Variants in NEBL observed in about 807,000 individuals in gnomAD.
NEBL encodes the protein nebulette, also known as LIM and SH3 protein 2.
NEBL carries 122 observed loss-of-function variants against 140.2 expected under a neutral mutation model. That is an observed-to-expected ratio of 0.87 (90% confidence interval 0.75 to 1.01). The LOEUF is 1.01. Among genes scored for constraint, NEBL ranks in the 50% least tolerant of loss-of-function variants. The probability of loss-of-function intolerance (pLI) is 0.00; values close to 1 mark genes in which losing one functional copy is unlikely to be tolerated. For synonymous variants in NEBL, 436 were observed against 398.9 expected (o/e 1.09, Z -1.11); for missense variants, 1,365 against 1,231.3 (o/e 1.11, Z -1.62).
At chr10:20,887,556 C>A (rs1180709440) in intron 4 of NEBL, among the ~76,000 whole-genome samples, 1 of 151,722 alleles carries the variant, frequency 6.6e-6, no homozygotes, top group Non-Finnish European at 1.5e-5. Flanking sequence ...GTAGCTGGCA[C>A]CACAGGTGCA....
intron 2 of NEBL, among the ~76,000 whole-genome samples, chr10:21,025,802 C>G (rs562837434): frequency 6.6e-6 from 1 of 152,154 alleles, no homozygotes; most frequent in African/African-American, 2.4e-5. Context: ...ATAAGAAAAA[C>G]ATAAGAGTAG....
At chr10:21,251,069 T>C (rs145365566) in intron 2 of NEBL, among the ~76,000 whole-genome samples, 1 of 152,168 alleles carries the variant, frequency 6.6e-6, no homozygotes, top group East Asian at 1.9e-4. Flanking sequence ...TTATTTAGTA[T>C]AATCATTTTC....
chr10:21,227,713 T>TTCTTCTTC (rs1842180073), intron 3 of NEBL, among the ~76,000 whole-genome samples: 1 of 63,680 alleles, frequency 1.6e-5, no homozygotes, highest in Non-Finnish European at 3.2e-5. Flanking sequence ...TCTTCTTCTT[T>TTCTTCTTC]CTTCTTCTTC....
At chr10:20,825,220 T>G (rs1010262989) in intron 18 of NEBL, among the ~76,000 whole-genome samples, 1 of 152,218 alleles carries the variant, frequency 6.6e-6, no homozygotes, top group Admixed American at 6.5e-5. Context: ...TGCTGCATAA[T>G]GACCAAGTGA....
intron 3 of NEBL, among the ~76,000 whole-genome samples, chr10:21,230,496 G>A (rs1842231997): frequency 6.6e-6 from 1 of 151,942 alleles, no homozygotes; most frequent in Admixed American, 6.6e-5. Context: ...AGATGAATGT[G>A]TCAACAATCT....
intron 2 of NEBL, among the ~76,000 whole-genome samples, chr10:20,894,963 A>C (rs1354950117): frequency 6.6e-6 from 1 of 151,656 alleles, no homozygotes; most frequent in Non-Finnish European, 1.5e-5. Context: ...AAGGCAGAAT[A>C]ATCATGTCCT....
At chr10:21,033,745 A>AT in intron 2 of NEBL, among the ~76,000 whole-genome samples, 1 of 106,362 alleles carries the variant, frequency 9.4e-6, no homozygotes, top group Non-Finnish European at 2.0e-5. Flanking sequence ...GTCTCCGAAA[A>AT]AAAAAAAAAA....
chr10:21,207,329 G>A (rs943006316), intron 3 of NEBL, among the ~76,000 whole-genome samples: 5 of 152,110 alleles, frequency 3.3e-5, no homozygotes, highest in African/African-American at 1.2e-4. Context: ...ATGGGGATGT[G>A]AATGGTCTAT....
At chr10:20,876,253 G>A (rs981443586) in intron 5 of NEBL, among the ~76,000 whole-genome samples, 18 of 152,126 alleles carry the variant, frequency 1.2e-4, no homozygotes, top group Non-Finnish European at 2.5e-4. Flanking sequence ...TAGGATTGCT[G>A]TCACTGTTTA....
rs1295085437 is a variant in NEBL, at chr10:20,786,164, CA to C, written c.2869-242del. On this transcript the variant is annotated intron_variant, in intron 27 of 27. Transcript: ENST00000377122. The stretch of plus-strand genomic sequence containing the variant: ...TCACTAAATACGACAGGTAGCCCAT[CA>C]AAAAGTAGGCTTTGAAATAATAAAG... Among the ~76,000 whole-genome samples, 8 of 152,080 alleles carry C rather than the reference CA, an allele frequency of 5.3e-5. No individual in the cohort carries two copies. In the East Asian group the frequency reaches 1.5e-3, roughly 29 times the overall value.
intron 3 of NEBL, among the ~76,000 whole-genome samples, chr10:21,208,571 T>C (rs1446514737): frequency 6.6e-6 from 1 of 152,226 alleles, no homozygotes; most frequent in Non-Finnish European, 1.5e-5. Context: ...GAAGTTTATT[T>C]CTTGCTCATG....
intron 2 of NEBL, among the ~76,000 whole-genome samples, chr10:21,034,790 A>G (rs1162076118): frequency 6.6e-6 from 1 of 152,082 alleles, no homozygotes; most frequent in Admixed American, 6.6e-5. Flanking sequence ...TTATACCAAA[A>G]TTAGCATCTT....
At chr10:21,204,640 G>A (rs1414182707) in intron 3 of NEBL, among the ~76,000 whole-genome samples, 1 of 152,156 alleles carries the variant, frequency 6.6e-6, no homozygotes, top group Non-Finnish European at 1.5e-5. Flanking sequence ...GTGGGATTCT[G>A]TTAAGGAAGC....
At chr10:21,124,532 G>T (rs1838724649) in intron 2 of NEBL, among the ~76,000 whole-genome samples, 1 of 152,146 alleles carries the variant, frequency 6.6e-6, no homozygotes, top group Admixed American at 6.5e-5. Flanking sequence ...GCTCATTAGG[G>T]TCACTTTTAA....
chr10:21,115,017 A>G (rs1357616614), intron 2 of NEBL, among the ~76,000 whole-genome samples: 3 of 151,500 alleles, frequency 2.0e-5, no homozygotes, highest in Non-Finnish European at 4.4e-5. Context: ...AGTGTTTTTT[A>G]TGATTCCTTT....
chr10:21,089,802 C>T (rs1053596757), intron 2 of NEBL, among the ~76,000 whole-genome samples: 1 of 151,400 alleles, frequency 6.6e-6, no homozygotes, highest in Admixed American at 6.6e-5. Context: ...GAATAAAAGT[C>T]CCCATTCGAG....
chr10:21,200,674 C>T (rs1841721469), intron 3 of NEBL, among the ~76,000 whole-genome samples: 1 of 152,158 alleles, frequency 6.6e-6, no homozygotes, highest in Non-Finnish European at 1.5e-5. Context: ...ATTCAAAATA[C>T]TTAACACCTG....
intron 20 of NEBL, among the ~76,000 whole-genome samples, chr10:20,818,542 T>C (rs563355246): frequency 3.3e-4 from 51 of 152,358 alleles, no homozygotes; most frequent in Middle Eastern, 6.8e-3. Context: ...TACTATGTCT[T>C]AGAATGCCAG....
At chr10:21,190,058 C>G (rs1054934793) in intron 3 of NEBL, among the ~76,000 whole-genome samples, 1 of 152,122 alleles carries the variant, frequency 6.6e-6, no homozygotes, top group Non-Finnish European at 1.5e-5. Flanking sequence ...ATCGGTCTCC[C>G]CTAATAAATT....
Sources: allele counts gnomAD v4.1 joint callset (sites outside exome capture counted in the v4.1 genomes callset), GRCh38; gene constraint gnomAD v4.1.1; transcripts MANE v1.5; gene names NCBI Gene and HGNC (gene_info 2026-07-23, HGNC 2026-07-21).